EIF2D: variants seen among roughly 807,000 people sequenced by gnomAD.
The protein encoded by EIF2D is eukaryotic translation initiation factor 2D, also known as hepatocellular carcinoma-associated antigen 56.
In EIF2D, 56 loss-of-function variants were observed where a neutral mutation model predicts 77.4. The ratio of observed to expected loss-of-function variants is 0.72; its 90% confidence interval spans 0.58 to 0.90. The LOEUF (loss-of-function observed/expected upper bound fraction) is 0.90. Among genes scored for constraint, EIF2D ranks in the 40% least tolerant of loss-of-function variants. The pLI, the probability that EIF2D is intolerant of heterozygous loss-of-function variation, is 0.00. For missense variants in EIF2D, 574 were observed against 706.5 expected (o/e 0.81, Z 2.13); for synonymous variants, 230 against 271.0 (o/e 0.85, Z 1.49).
At chr1:206,583,709 A>G (rs1002456611) in intron 2 of EIF2D, 6 of 312,136 alleles carry the variant, frequency 1.9e-5, no homozygotes, top group Admixed American at 1.4e-4. Context: ...GGGAGCCAGG[A>G]CAATGGGACT....
intron 2 of EIF2D, chr1:206,585,084 C>A: frequency 1.2e-6 from 1 of 841,710 alleles, no homozygotes; most frequent in Non-Finnish European, 1.9e-6. Context: ...TCCAGTTGTA[C>A]GTACCCCACC....
At chr1:206,572,511 G>A (rs544361230) in intron 5 of EIF2D, 1 of 152,254 alleles carries the variant, frequency 6.6e-6, no homozygotes, top group South Asian at 2.1e-4. Flanking sequence ...TGGTTCCCCC[G>A]GACTGTCCTG....
intron 2 of EIF2D, among the ~76,000 whole-genome samples, chr1:206,581,343 A>G (rs1413024761): frequency 2.6e-5 from 4 of 152,168 alleles, no homozygotes; most frequent in African/African-American, 9.7e-5. Flanking sequence ...CACACCTGTA[A>G]TGCCAGCACT....
At position 206,599,697 on chromosome 1, in the gene EIF2D, C is replaced by T. The variant is rs782377103; in HGVS notation, c.1052+36G>A. 6 of 1,613,112 alleles carry T rather than the reference C, an allele frequency of 3.7e-6. No homozygotes were observed. The highest frequency in any genetic ancestry group is 3.3e-5 in the Admixed American group (2 of 59,946). On this transcript the variant is annotated intron_variant, in intron 9 of 14. Transcript: ENST00000271764. This position sits in a 1 kb window ranked among gnomAD's most constrained non-coding sequence, Gnocchi z 4.1. ...AGTCCGTGGCCCAGGTGCCCTGGGG[C>T]CAGCTGGGCTACAGTGACAGGCCCC...
chr1:206,598,250 T>C (rs1385334238), intron 11 of EIF2D, among the ~76,000 whole-genome samples: 1 of 151,840 alleles, frequency 6.6e-6, no homozygotes. Context: ...GCTGCTCAGG[T>C]GGGTCTCAAA....
downstream of EIF2D, chr1:206,586,780 GTCTCCTAT>G: frequency 6.7e-7 from 1 of 1,501,130 alleles, no homozygotes; most frequent in Non-Finnish European, 9.2e-7. Context: ...CTTCTAACCT[GTCTCCTAT>G]TCTGTTTCTT....
Position 206,599,877 on chromosome 1 carries a change from C to T in EIF2D, c.949-41G>A. ...CCAGTGGTAGGGGACTTCATTGATT[C>T]CACACACATACTGAGCACCCAGGAT... is the stretch of plus-strand genomic sequence containing the variant. On this transcript the variant is annotated intron_variant, in intron 8 of 14. Transcript: ENST00000271764. This position sits in a 1 kb window ranked among gnomAD's most constrained non-coding sequence, Gnocchi z 4.1. The T allele has an allele frequency of 6.3e-7, 1 of 1,584,416 alleles. No homozygotes were observed. Among genetic ancestry groups the T allele is most frequent in the Non-Finnish European group, 8.7e-7 (1 of 1,154,868 alleles).
Position 206,600,288 on chromosome 1 carries a change from T to C in EIF2D, c.923A>G (p.Asp308Gly), listed in dbSNP as rs1161798812. The C allele has an allele frequency of 3.1e-6, 5 of 1,614,024 alleles. No individual in the cohort carries two copies. Among genetic ancestry groups the C allele is most frequent in the Non-Finnish European group, 3.4e-6 (4 of 1,179,996 alleles). The change falls in exon 8 of 15, where the codon GAC becomes GGC. Residue 308 changes from aspartate to glycine, a missense_variant. By Grantham distance (94) the Asp-to-Gly change is moderately conservative. Transcript: ENST00000271764. ...FSCCPEGRQL[D>G]IKKSSYKKLS... ...CTTTTTGTAGCTTGACTTCTTTATGTCCAGTTGTCGTCCTTCGGGGCTGAT... is the reference window on the plus strand; with the variant it reads ...CTTTTTGTAGCTTGACTTCTTTATGCCCAGTTGTCGTCCTTCGGGGCTGAT...
At chr1:206,601,618 CAAT>C (rs1461367902) in intron 7 of EIF2D, 1 of 152,056 alleles carries the variant, frequency 6.6e-6, no homozygotes, top group Non-Finnish European at 1.5e-5. Flanking sequence ...GGGTAAAAAT[CAAT>C]AAGCAAACCT....
At position 206,584,985 on chromosome 1, in the gene EIF2D, CT is replaced by C. The variant is rs2103572732; in HGVS notation, c.139-3824del. The C allele has an allele frequency of 8.2e-6, 5 of 612,820 alleles. No homozygotes were observed. In the East Asian group the frequency reaches 1.1e-4, roughly 13 times the overall value. The allele number at this position is 612,820 out of a possible 1,614,324, so 38.0% of individuals were successfully genotyped here. ...AGGAGATGATGTGAATGGAATCATGCTTTAAACTCTGAGCAGACACCCAAGA... is the reference window on the plus strand; with the variant it reads ...AGGAGATGATGTGAATGGAATCATGCTTAAACTCTGAGCAGACACCCAAGA... On this transcript the variant is annotated intron_variant and NMD_transcript_variant, in intron 2 of 5. Coordinates refer to the EIF2D transcript ENST00000472709. This position sits in a 1 kb window ranked among gnomAD's most constrained non-coding sequence, Gnocchi z 4.9.
intron 5 of EIF2D, among the ~76,000 whole-genome samples, chr1:206,572,021 A>G (rs1249726117): frequency 6.6e-6 from 1 of 152,176 alleles, no homozygotes; most frequent in African/African-American, 2.4e-5. Flanking sequence ...AGAAATGGAA[A>G]GGATTTGGGT....
Position 206,593,677 on chromosome 1 carries a change from G to A in EIF2D, c.1626C>T (p.Asp542=). ...TTVNPAPGAK[D]SLQVQIQGNQ... ...TTCCCTGGATCTGCACCTGAAGGCT[G>A]TCCTTGGCCCCAGGGGCAGGATTGA... The change falls in exon 14 of 15, where the codon GAC becomes GAT. Residue 542 remains aspartate, a synonymous_variant. Coordinates refer to ENST00000271764, the MANE Select transcript of EIF2D (RefSeq NM_006893.3). 6.8e-6 allele frequency: 11 copies of A among 1,614,006 alleles called. No homozygotes were observed. The highest frequency in any genetic ancestry group is 8.5e-6 in the Non-Finnish European group (10 of 1,179,960).
chr1:206,571,787 G>A (rs912118139), intron 5 of EIF2D, among the ~76,000 whole-genome samples: 1 of 152,206 alleles, frequency 6.6e-6, no homozygotes, highest in Non-Finnish European at 1.5e-5. Context: ...AAAGGACGCT[G>A]ACCTAGGTGA....
At chr1:206,591,971 C>T (rs1669359713) in intron 14 of EIF2D, 126 bp from the exon 15 acceptor site, 1 of 824,440 alleles carries the variant, frequency 1.2e-6, no homozygotes, top group Admixed American at 1.9e-5. Context: ...GGACTGACCA[C>T]TTACGCCTAC....
chr1:206,583,567 G>T, intron 2 of EIF2D: 2 of 577,762 alleles, frequency 3.5e-6, no homozygotes, highest in Non-Finnish European at 3.1e-6. Flanking sequence ...TGTGCTTTAG[G>T]GAAATAGATC....
At chr1:206,580,148 A>C (rs1331635707) in intron 4 of EIF2D, among the ~76,000 whole-genome samples, 1 of 152,170 alleles carries the variant, frequency 6.6e-6, no homozygotes, top group African/African-American at 2.4e-5. Context: ...TGTGGTGGGA[A>C]GGGGAGAGAT....
chr1:206,599,656 C>G lies in EIF2D; in HGVS notation c.1053-44G>C, dbSNP rs375300251. 13 of 1,608,716 alleles carry G rather than the reference C, an allele frequency of 8.1e-6. 1 individual carries two copies. The South Asian group carries it at 1.1e-4, about 14-fold the overall frequency. ...AAAGAAAAAACACATTTTATACTAG[C>G]ATCTCAGCAATCCCCAGTCCGTGGC... On this transcript the variant is annotated intron_variant, in intron 9 of 14. Coordinates refer to ENST00000271764, the MANE Select transcript of EIF2D (RefSeq NM_006893.3). The surrounding 1 kb of genome is among the most constrained non-coding windows in gnomAD (Gnocchi z 4.1).
downstream of EIF2D, among the ~76,000 whole-genome samples, chr1:206,591,368 G>T (rs1669332938): frequency 6.6e-6 from 1 of 152,148 alleles, no homozygotes; most frequent in African/African-American, 2.4e-5. Context: ...TTTTCTACGT[G>T]ACTAACCCTT....
chr1:206,591,955 A>T, intron 14 of EIF2D, 110 bp from the exon 15 acceptor site: 1 of 1,035,848 alleles, frequency 9.7e-7, no homozygotes, highest in Admixed American at 1.8e-5. Flanking sequence ...CTCAAACTCA[A>T]CTTCGGGACT....
Sources: allele counts gnomAD v4.1 joint callset (sites outside exome capture counted in the v4.1 genomes callset), GRCh38; gene constraint gnomAD v4.1.1; non-coding constraint Gnocchi (gnomAD v3.1); transcripts MANE v1.5; gene names NCBI Gene and HGNC (gene_info 2026-07-23, HGNC 2026-07-21).